The following AEBP1 variants were observed in gnomAD, a reference collection of about 807,000 sequenced individuals.
The protein encoded by AEBP1 is adipocyte enhancer-binding protein 1.
In AEBP1, 69 loss-of-function variants were observed where a neutral mutation model predicts 116.5. The observed-to-expected ratio is 0.59, with a 90% CI of 0.49 to 0.72. The LOEUF is 0.72. Ranked by LOEUF, AEBP1 falls within the 30% of genes least tolerant of loss-of-function variation. The probability of loss-of-function intolerance (pLI) is 0.00; values close to 1 mark genes in which losing one functional copy is unlikely to be tolerated. For missense variants in AEBP1, 1,444 were observed against 1,557.5 expected, an observed-to-expected ratio of 0.93 and a Z score of 1.23; for synonymous variants, 627 against 627.3, an observed-to-expected ratio of 1.00 and a Z score of 0.01.
rs1036545432 is a variant in AEBP1 at position 44,107,997 on chromosome 7, G to A, written c.863-10G>A. ...GCTCTGGCCCCCTCCTAACCTCCCCGCCTCCCCAGAGCCTCCTGTGAAGCC... is the reference window on the plus strand; with the variant it reads ...GCTCTGGCCCCCTCCTAACCTCCCCACCTCCCCAGAGCCTCCTGTGAAGCC... On this transcript the variant is annotated splice_polypyrimidine_tract_variant and intron_variant, in intron 5 of 20. Coordinates refer to ENST00000223357, the MANE Select transcript of AEBP1 (RefSeq NM_001129.5). This position sits in a 1 kb window ranked among gnomAD's most constrained non-coding sequence, Gnocchi z 4.3. 38 of 1,558,148 alleles carry A rather than the reference G, an allele frequency of 2.4e-5. No homozygotes were observed. The highest frequency in any genetic ancestry group is 3.8e-5 in the Admixed American group (2 of 53,172).
At chr7:44,105,229 G>A (rs1256479312) in intron 1 of AEBP1, among the ~76,000 whole-genome samples, 1 of 152,192 alleles carries the variant, frequency 6.6e-6, no homozygotes, top group Non-Finnish European at 1.5e-5. Flanking sequence ...TGAGCCACAG[G>A]GGACTGTGCT....
chr7:44,107,576 C>T lies in AEBP1; in HGVS notation c.668-53C>T, dbSNP rs1021588353. ...CTGGCTGGTTGGACTGAGGGCTTCC[C>T]CAGAGTAGGCCTGGGTGGGGTTGTC... On this transcript the variant is annotated intron_variant, in intron 3 of 20. Transcript: ENST00000223357. This position sits in a 1 kb window ranked among gnomAD's most constrained non-coding sequence, Gnocchi z 4.3. The T allele has an allele frequency of 1.8e-5, 29 of 1,613,186 alleles. No homozygotes were observed. The highest frequency in any genetic ancestry group is 2.4e-5 in the Non-Finnish European group (28 of 1,179,828).
intron 9 of AEBP1, chr7:44,109,663 T>G (rs925524320): frequency 1.8e-6 from 1 of 567,932 alleles, no homozygotes; most frequent in Non-Finnish European, 3.2e-6. Context: ...GCAGGGCCAT[T>G]GTGCAGACGG....
chr7:44,109,386 G>C lies in AEBP1; in HGVS notation c.1150+45G>C, dbSNP rs145466468. 381 of 1,461,052 alleles carry C rather than the reference G, an allele frequency of 2.6e-4. 4 individuals carry two copies. The Middle Eastern group carries it at 2.7e-3, about 10-fold the overall frequency. 90.5% of individuals were successfully genotyped at this position (1,461,052 alleles called of 1,614,324 possible). On this transcript the variant is annotated intron_variant, in intron 9 of 20. Coordinates refer to ENST00000223357, the MANE Select transcript of AEBP1 (RefSeq NM_001129.5). Reference sequence around the variant, plus strand: ...GGGTGAGGGTGGGGGCCACAGGATGGGGGTGCTGGGACAAGTGACTGGCCC... The same window carrying C: ...GGGTGAGGGTGGGGGCCACAGGATGCGGGTGCTGGGACAAGTGACTGGCCC...
Position 44,112,630 on chromosome 7 carries a change from G to C in AEBP1, c.2290G>C (p.Gly764Arg). The change falls in exon 18 of 21, where the codon GGC becomes CGC. Residue 764 changes from glycine to arginine, a missense_variant. Gly to Arg is a moderately radical substitution (Grantham distance 125, BLOSUM62 -2). Coordinates refer to ENST00000223357, the MANE Select transcript of AEBP1 (RefSeq NM_001129.5). The surrounding 1 kb of genome is among the most constrained non-coding windows in gnomAD (Gnocchi z 6.6). ...NPFVLGANLN[G>R]GERLVSYPYD... ...CTTCGTGCTGGGAGCAAATCTGAAC[G>C]GCGGCGAGCGGCTAGTATCCTACCC... The C allele has an allele frequency of 6.2e-7, 1 of 1,611,184 alleles. No individual in the cohort carries two copies. Among genetic ancestry groups the C allele is most frequent in the Non-Finnish European group, 8.5e-7 (1 of 1,178,164 alleles).
rs758098137 is a variant in AEBP1 at position 44,110,694 on chromosome 7, A to T, written c.1401-31A>T. Reference sequence around the variant, plus strand: ...CACCTGAGGGCCTGGGAGGGGGAAGACCCTTGCTCTGACCACTGTCCACTC... The same window carrying T: ...CACCTGAGGGCCTGGGAGGGGGAAGTCCCTTGCTCTGACCACTGTCCACTC... On this transcript the variant is annotated intron_variant, in intron 11 of 20. Coordinates refer to ENST00000223357, the MANE Select transcript of AEBP1 (RefSeq NM_001129.5). 1.5e-5 allele frequency: 22 copies of T among 1,500,762 alleles called. No individual in the cohort carries two copies. In the East Asian group the frequency reaches 4.3e-4, roughly 30 times the overall value. The allele number at this position is 1,500,762 out of a possible 1,614,324, so 93.0% of individuals were successfully genotyped here.
In AEBP1 at chr7:44,107,760, T is replaced by G. The variant is rs2096224499; in HGVS notation, c.740-49T>G. On this transcript the variant is annotated intron_variant, in intron 4 of 20. Transcript: ENST00000223357. The surrounding 1 kb of genome is among the most constrained non-coding windows in gnomAD (Gnocchi z 4.3). ...ACCCCTGGCCTGGGGGATGTGCCAA[T>G]GGGCCCATCCCAGCCTTGGGCCCCA... The G allele has an allele frequency of 1.2e-6, 2 of 1,612,764 alleles. No individual in the cohort carries two copies. Among genetic ancestry groups the G allele is most frequent in the African/African-American group, 2.7e-5 (2 of 74,874 alleles).
Position 44,114,294 on chromosome 7 carries a change from C to A in AEBP1, c.*33C>A. ...GTCCTACCAAGACCCCAGCCCAACT[C>A]AAGCTACAGCAGCAGCACTTCCCAA... is the stretch of plus-strand genomic sequence containing the variant. On this transcript the variant is annotated 3_prime_UTR_variant, in exon 21 of 21. Coordinates refer to ENST00000223357, the MANE Select transcript of AEBP1 (RefSeq NM_001129.5). The A allele has an allele frequency of 1.2e-6, 2 of 1,607,468 alleles. No homozygotes were observed. Among genetic ancestry groups the A allele is most frequent in the South Asian group, 2.2e-5 (2 of 90,756 alleles).
rs2096230510 is a variant in AEBP1, at chr7:44,112,396, G to A, written c.2217+75G>A. The A allele has an allele frequency of 6.7e-7, 1 of 1,487,508 alleles. No individual in the cohort carries two copies. Among genetic ancestry groups the A allele is most frequent in the Non-Finnish European group, 9.0e-7 (1 of 1,113,278 alleles). The allele number at this position is 1,487,508 out of a possible 1,614,324, so 92.1% of individuals were successfully genotyped here. The stretch of plus-strand genomic sequence containing the variant: ...GGGTCCTGGTGTTCTGGGCTTGGGG[G>A]TGGGGCTGACGGTGCCTGAACTCCA... On this transcript the variant is annotated intron_variant, in intron 17 of 20. Coordinates refer to ENST00000223357, the MANE Select transcript of AEBP1 (RefSeq NM_001129.5). This position sits in a 1 kb window ranked among gnomAD's most constrained non-coding sequence, Gnocchi z 6.6.
rs1562690053 is a variant in AEBP1, at chr7:44,113,826, A to G, written c.3042A>G (p.Gln1014=). ...ACCCATCGCGCCCTATGACCCCCCA[A>G]CAGCGACGCCTGCAGCAGCGACGCC... ...HIDPSRPMTP[Q]QRRLQQRRLQ... is the part of the protein sequence containing the mutation. The change falls in exon 21 of 21, where the codon CAA becomes CAG. Residue 1014 remains glutamine (Q), a synonymous_variant. Coordinates refer to ENST00000223357, the MANE Select transcript of AEBP1 (RefSeq NM_001129.5). This position sits in a 1 kb window ranked among gnomAD's most constrained non-coding sequence, Gnocchi z 5.3. The G allele has an allele frequency of 3.7e-6, 6 of 1,613,916 alleles. No homozygotes were observed. Among genetic ancestry groups the G allele is most frequent in the South Asian group, 1.1e-5 (1 of 91,078 alleles).
In AEBP1 at chr7:44,112,404, G is replaced by T. The variant is rs1202388175; in HGVS notation, c.2217+83G>T. On this transcript the variant is annotated intron_variant, in intron 17 of 20. Coordinates refer to ENST00000223357, the MANE Select transcript of AEBP1 (RefSeq NM_001129.5). The surrounding 1 kb of genome is among the most constrained non-coding windows in gnomAD (Gnocchi z 6.6). ...GTGTTCTGGGCTTGGGGGTGGGGCTGACGGTGCCTGAACTCCAGACGCTGA... is the reference window on the plus strand; with the variant it reads ...GTGTTCTGGGCTTGGGGGTGGGGCTTACGGTGCCTGAACTCCAGACGCTGA... 6.8e-7 allele frequency: 1 copy of T among 1,464,774 alleles called. No individual in the cohort carries two copies. The highest frequency in any genetic ancestry group is 9.1e-7 in the Non-Finnish European group (1 of 1,095,492). 90.7% of individuals were successfully genotyped at this position (1,464,774 alleles called of 1,614,324 possible).
chr7:44,105,829 A>G (rs540059552), intron 1 of AEBP1, among the ~76,000 whole-genome samples: 3 of 152,188 alleles, frequency 2.0e-5, no homozygotes, highest in East Asian at 1.9e-4. Context: ...CAGCACTTGC[A>G]GCTCCTGCTT....
At chr7:44,109,846 C>T (rs887696166) in intron 9 of AEBP1, 169 bp from the exon 10 acceptor site, 11 of 632,664 alleles carry the variant, frequency 1.7e-5, no homozygotes, top group Admixed American at 5.9e-5. Context: ...GGCTTTGAGT[C>T]GATTCCAGGT....
In AEBP1 at chr7:44,110,226, A is replaced by G; in HGVS notation, c.1280A>G (p.Asp427Gly). ...LNMQTGATED[D>G]YYDGAWCAED... is the part of the protein sequence containing the mutation. ...GGACAGACCGGTGCCACTGAGGACG[A>G]CTACTATGATGGTGCGTGGTGTGCC... Residue 427 changes from aspartate (D) to glycine (G), a missense_variant, in exon 11 of 21, where the codon GAC becomes GGC. Coordinates refer to ENST00000223357, the MANE Select transcript of AEBP1 (RefSeq NM_001129.5). 1 of 1,613,704 alleles carries G rather than the reference A, an allele frequency of 6.2e-7. No homozygotes were observed.
rs1243045223 is a variant in AEBP1 at position 44,112,394 on chromosome 7, G to A, written c.2217+73G>A. ...TGGGGTCCTGGTGTTCTGGGCTTGG[G>A]GGTGGGGCTGACGGTGCCTGAACTC... On this transcript the variant is annotated intron_variant, in intron 17 of 20. Coordinates refer to ENST00000223357, the MANE Select transcript of AEBP1 (RefSeq NM_001129.5). This position sits in a 1 kb window ranked among gnomAD's most constrained non-coding sequence, Gnocchi z 6.6. 2 of 1,489,194 alleles carry A rather than the reference G, an allele frequency of 1.3e-6. No individual in the cohort carries two copies. Among genetic ancestry groups the A allele is most frequent in the Non-Finnish European group, 1.8e-6 (2 of 1,114,668 alleles). The allele number at this position is 1,489,194 out of a possible 1,614,324, so 92.2% of individuals were successfully genotyped here. A position where few individuals can be genotyped will look rare whatever the true frequency, so the allele number is the denominator to read the frequency against.
rs752075905 is a variant in AEBP1, at chr7:44,107,996, C to T, written c.863-11C>T. Reference sequence around the variant, plus strand: ...CGCTCTGGCCCCCTCCTAACCTCCCCGCCTCCCCAGAGCCTCCTGTGAAGC... The same window carrying T: ...CGCTCTGGCCCCCTCCTAACCTCCCTGCCTCCCCAGAGCCTCCTGTGAAGC... On this transcript the variant is annotated splice_polypyrimidine_tract_variant and intron_variant, in intron 5 of 20. Transcript: ENST00000223357. The surrounding 1 kb of genome is among the most constrained non-coding windows in gnomAD (Gnocchi z 4.3). 58 of 1,576,690 alleles carry T rather than the reference C, an allele frequency of 3.7e-5. No homozygotes were observed. The highest frequency in any genetic ancestry group is 7.3e-5 in the Admixed American group (4 of 54,960).
At position 44,110,985 on chromosome 7, in the gene AEBP1, A is replaced by G. The variant is rs923029607; in HGVS notation, c.1558A>G (p.Ile520Val). Residue 520 changes from isoleucine (I) to valine (V), a missense_variant, in exon 13 of 21, where the codon ATC becomes GTC. Transcript: ENST00000223357. ...ELPEPVVARF[I>V]RIYPLTWNGS... ...CCCAGAGCCGGTGGTGGCTCGTTTC[A>G]TCCGCATCTACCCACTCACCTGGAA... The G allele has an allele frequency of 9.9e-6, 16 of 1,613,824 alleles. No homozygotes were observed. The highest frequency in any genetic ancestry group is 1.4e-5 in the Non-Finnish European group (16 of 1,179,968).
Position 44,106,716 on chromosome 7 carries a change from C to T in AEBP1, c.424C>T (p.Pro142Ser). ...GAAGCCACCTAAGGCCACCAAGAAG[C>T]CCAAGGAGAAGCCACCCAAGGCCAC... ...KEKPPKATKK[P>S]KEKPPKATKK... Residue 142 changes from proline (P) to serine (S), a missense_variant, in exon 2 of 21, where the codon CCC (proline) becomes TCC (serine). Transcript: ENST00000223357. 1.2e-6 allele frequency: 2 copies of T among 1,612,570 alleles called. No homozygotes were observed. Among genetic ancestry groups the T allele is most frequent in the African/African-American group, 1.3e-5 (1 of 74,722 alleles).
rs1208926720 is a variant in AEBP1 at position 44,113,427 on chromosome 7, A to G, written c.2809+76A>G. Reference sequence around the variant, plus strand: ...GAGAGGGTGGGGGCTTGAGGAACTCAGCGAGCAGGTAGAGTCTGGGGAGCC... The same window carrying G: ...GAGAGGGTGGGGGCTTGAGGAACTCGGCGAGCAGGTAGAGTCTGGGGAGCC... On this transcript the variant is annotated intron_variant, in intron 20 of 20. Coordinates refer to ENST00000223357, the MANE Select transcript of AEBP1 (RefSeq NM_001129.5). The surrounding 1 kb of genome is among the most constrained non-coding windows in gnomAD (Gnocchi z 5.3). 1 of 1,497,134 alleles carries G rather than the reference A, an allele frequency of 6.7e-7. No individual in the cohort carries two copies. The highest frequency in any genetic ancestry group is 9.1e-7 in the Non-Finnish European group (1 of 1,101,212). The allele number at this position is 1,497,134 out of a possible 1,614,324, so 92.7% of individuals were successfully genotyped here. A position where few individuals can be genotyped will look rare whatever the true frequency, so the allele number is the denominator to read the frequency against.
Sources: gnomAD v4.1 joint callset for allele counts (sites outside exome capture counted in the v4.1 genomes callset) on GRCh38, gnomAD v4.1.1 for gene constraint, Gnocchi (gnomAD v3.1) non-coding constraint, MANE v1.5 for transcripts, NCBI Gene and HGNC (gene_info 2026-07-23, HGNC 2026-07-21) for gene names.